NTN1: variants seen among roughly 807,000 people sequenced by gnomAD.
NTN1 encodes netrin 1, also known as netrin-1.
Under a neutral mutation model 54.2 loss-of-function variants are expected in NTN1, and 11 were observed. The ratio of observed to expected loss-of-function variants is 0.20; its 90% CI spans 0.13 to 0.34. The LOEUF (loss-of-function observed/expected upper bound fraction) is 0.34, where lower values mean the gene tolerates loss of function less well. Ranked by LOEUF, NTN1 falls within the 10% of genes least tolerant of loss-of-function variation. The probability of loss-of-function intolerance (pLI) is 1.00; values close to 1 mark genes in which losing one functional copy is unlikely to be tolerated. For missense variants in NTN1, 740 were observed against 893.1 expected (o/e 0.83, Z 2.18); for synonymous variants, 371 against 382.0 (o/e 0.97, Z 0.33).
At chr17:9,166,149 T>TCCACCA (rs60014697) in intron 3 of NTN1, among the ~76,000 whole-genome samples, 16 of 111,420 alleles carry the variant, frequency 1.4e-4, no homozygotes, top group East Asian at 1.1e-3. Flanking sequence ...TCAACCCCCT[T>TCCACCA]CCACCACCAC....
At chr17:9,017,063 C>A (rs964927372), upstream of NTN1, among the ~76,000 whole-genome samples, 1 of 152,160 alleles carries the variant, frequency 6.6e-6, no homozygotes. Flanking sequence ...ACCACCTGAC[C>A]ACCAGTTTTA....
the NTN1 span, among the ~76,000 whole-genome samples, chr17:9,006,659 T>C: frequency 5.9e-5 from 9 of 152,220 alleles, no homozygotes; most frequent in African/African-American, 1.9e-4. Flanking sequence ...TGAAGGTTCA[T>C]GGATGCAGAA....
At chr17:9,086,663 C>T (rs1032339666) in intron 2 of NTN1, among the ~76,000 whole-genome samples, 10 of 152,150 alleles carry the variant, frequency 6.6e-5, no homozygotes, top group African/African-American at 2.4e-4. Context: ...TCATGATCAC[C>T]ATCATCACCA....
chr17:9,234,015 C>T (rs1012826347), intron 6 of NTN1, among the ~76,000 whole-genome samples: 1 of 152,208 alleles, frequency 6.6e-6, no homozygotes, highest in African/African-American at 2.4e-5. Context: ...ACCAACTCCA[C>T]ACTGCGGCAG....
chr17:9,043,215 C>T (rs2091928485), intron 2 of NTN1, among the ~76,000 whole-genome samples: 1 of 151,892 alleles, frequency 6.6e-6, no homozygotes, highest in African/African-American at 2.4e-5. Context: ...AACATTTTTT[C>T]TCACTCTCTC....
intron 3 of NTN1, among the ~76,000 whole-genome samples, chr17:9,167,469 A>G (rs908948716): frequency 6.6e-6 from 1 of 152,224 alleles, no homozygotes; most frequent in Admixed American, 6.5e-5. Flanking sequence ...ATGAGAATTA[A>G]GAAATTAACC....
chr17:9,087,416 G>A (rs945372232), intron 2 of NTN1, among the ~76,000 whole-genome samples: 29 of 152,130 alleles, frequency 1.9e-4, no homozygotes, highest in African/African-American at 6.8e-4. Context: ...CCTGATTGGC[G>A]TTTTCTAGTT....
chr17:9,036,441 T>C lies in NTN1; in HGVS notation c.1018+13050T>C, dbSNP rs147225918. On this transcript the variant is annotated intron_variant, in intron 2 of 6. Coordinates refer to ENST00000173229, the MANE Select transcript of NTN1 (RefSeq NM_004822.3). ...GACAGGGTCTCGCTCTGTCATCCAG[T>C]CTAGAGCACAGTGGTGCAATCACGT... Among the ~76,000 whole-genome samples the C allele has an allele frequency of 3.0e-3, 419 of 138,980 alleles. 2 individuals carry two copies. Among genetic ancestry groups the C allele is most frequent in the African/African-American group, 0.011 (405 of 37,210 alleles). The allele number at this position is 138,980 out of a possible 152,430, so 91.2% of individuals were successfully genotyped here.
chr17:9,125,630 A>G (rs975353739), intron 2 of NTN1, among the ~76,000 whole-genome samples: 1 of 150,602 alleles, frequency 6.6e-6, no homozygotes, highest in African/African-American at 2.4e-5. Context: ...TTAAGAGAGG[A>G]GGTCTCACTC....
chr17:9,199,601 AAG>A (rs1904727618), intron 5 of NTN1, among the ~76,000 whole-genome samples: 1 of 152,238 alleles, frequency 6.6e-6, no homozygotes, highest in African/African-American at 2.4e-5. Context: ...CAGTCAGGGA[AAG>A]AGAACATTGG....
chr17:9,091,232 C>T (rs999828868), intron 2 of NTN1, among the ~76,000 whole-genome samples: 1 of 152,126 alleles, frequency 6.6e-6, no homozygotes, highest in African/African-American at 2.4e-5. Context: ...ATATACATAA[C>T]ATAAAATGTA....
chr17:9,007,168 C>T, the NTN1 span, among the ~76,000 whole-genome samples: 1 of 147,832 alleles, frequency 6.8e-6, no homozygotes, highest in South Asian at 2.1e-4. Context: ...TCCTTTCTTT[C>T]CTTCCTTCTC....
At position 9,239,558 on chromosome 17, in the gene NTN1, T is replaced by G. The variant is rs1906112295; in HGVS notation, c.1487-82T>G. On this transcript the variant is annotated intron_variant, in intron 6 of 6. Transcript: ENST00000173229. The surrounding 1 kb of genome is among the most constrained non-coding windows in gnomAD (Gnocchi z 5.2). ...AGTCACTTCCTGGGGCTGGGTCTCCTTTCCCTTCTCCCCAGGCTCAGGCAG... is the reference window on the plus strand; with the variant it reads ...AGTCACTTCCTGGGGCTGGGTCTCCGTTCCCTTCTCCCCAGGCTCAGGCAG... 1.4e-6 allele frequency: 2 copies of G among 1,425,952 alleles called. No homozygotes were observed. Among genetic ancestry groups the G allele is most frequent in the Admixed American group, 3.7e-5 (2 of 53,986 alleles). The allele number at this position is 1,425,952 out of a possible 1,614,324, so 88.3% of individuals were successfully genotyped here. A position where few individuals can be genotyped will look rare whatever the true frequency, so the allele number is the denominator to read the frequency against.
rs193030863 is a variant in NTN1 at position 9,125,995 on chromosome 17, G to A, written c.1019-36818G>A. ...AGGGAGCCTGAGGGACTTGTCAAAG[G>A]TTGTCTAGCTGACAAGGGGCAGGGC... On this transcript the variant is annotated intron_variant, in intron 2 of 6. Coordinates refer to ENST00000173229, the MANE Select transcript of NTN1 (RefSeq NM_004822.3). Among the ~76,000 whole-genome samples the A allele has an allele frequency of 2.0e-5, 3 of 152,352 alleles. No individual in the cohort carries two copies. In the East Asian group the frequency reaches 5.8e-4, roughly 29 times the overall value.
chr17:9,223,561 A>AAAAAAAAAAG (rs796242420), intron 6 of NTN1, among the ~76,000 whole-genome samples: 1 of 152,040 alleles, frequency 6.6e-6, no homozygotes, highest in African/African-American at 2.4e-5. Flanking sequence ...TGTCTCAAAA[A>AAAAAAAAAAG]AAAGAAAGAA....
At chr17:9,013,027 T>C in the NTN1 span, among the ~76,000 whole-genome samples, 24 of 152,142 alleles carry the variant, frequency 1.6e-4, no homozygotes, top group Admixed American at 1.6e-3. Context: ...GTTGTCATAA[T>C]GACTGGTGTA....
intron 5 of NTN1, among the ~76,000 whole-genome samples, chr17:9,206,927 C>G (rs1393254471): frequency 6.6e-6 from 1 of 152,146 alleles, no homozygotes; most frequent in African/African-American, 2.4e-5. Context: ...TTGCCTTTTT[C>G]TGCCCTTCCG....
upstream of NTN1, among the ~76,000 whole-genome samples, chr17:9,020,245 C>A (rs184453623): frequency 2.6e-5 from 4 of 152,360 alleles, no homozygotes; most frequent in Admixed American, 2.6e-4. Flanking sequence ...TGGGGCTTTT[C>A]ATCCGGGTCT....
At chr17:9,151,104 C>T (rs1478736573) in intron 2 of NTN1, among the ~76,000 whole-genome samples, 1 of 152,154 alleles carries the variant, frequency 6.6e-6, no homozygotes, top group African/African-American at 2.4e-5. Flanking sequence ...AGACTTAAGA[C>T]TTATCTGCCC....
Sources: allele counts gnomAD v4.1 joint callset (sites outside exome capture counted in the v4.1 genomes callset), GRCh38; gene constraint gnomAD v4.1.1; non-coding constraint Gnocchi (gnomAD v3.1); transcripts MANE v1.5; gene names NCBI Gene and HGNC (gene_info 2026-07-23, HGNC 2026-07-21).